FANCM: variants seen among roughly 807,000 people sequenced by gnomAD.
The protein encoded by FANCM is Fanconi anemia group M protein.
A neutral mutation model predicts 199.5 loss-of-function variants in FANCM; 140 were observed. The ratio of observed to expected loss-of-function variants is 0.70; its 90% CI spans 0.61 to 0.81. The LOEUF is 0.81. FANCM is among the 30% of genes least tolerant of loss of function. The probability of loss-of-function intolerance (pLI) is 0.00; values close to 1 mark genes in which losing one functional copy is unlikely to be tolerated. For synonymous variants in FANCM, 840 were observed against 836.8 expected (o/e 1.00, Z -0.07); for missense variants, 2,410 against 2,421.4 (o/e 1.00, Z 0.10).
intron 18 of FANCM, among the ~76,000 whole-genome samples, chr14:45,186,384 C>A (rs1269099657): frequency 6.6e-6 from 1 of 152,192 alleles, no homozygotes; most frequent in Admixed American, 6.5e-5. Context: ...AATGCTTGAA[C>A]GGATCTTACA....
In FANCM at chr14:45,137,052, G is replaced by A. The variant is rs756896619; in HGVS notation, c.509-17G>A. 4 of 1,592,920 alleles carry A rather than the reference G, an allele frequency of 2.5e-6. No individual in the cohort carries two copies. The highest frequency in any genetic ancestry group is 1.3e-5 in the African/African-American group (1 of 74,242). On this transcript the variant is annotated splice_polypyrimidine_tract_variant and intron_variant, in intron 1 of 22. Coordinates refer to ENST00000267430, the MANE Select transcript of FANCM (RefSeq NM_020937.4). ...CAGTCTGAAGTTTAGAATGTAGAATGTCACTTTTATTTTCAGGGTCTACAC... is the reference window on the plus strand; with the variant it reads ...CAGTCTGAAGTTTAGAATGTAGAATATCACTTTTATTTTCAGGGTCTACAC...
chr14:45,170,981 C>T (rs575985456), intron 12 of FANCM, among the ~76,000 whole-genome samples: 1 of 152,172 alleles, frequency 6.6e-6, no homozygotes, highest in South Asian at 2.1e-4. Context: ...ATGTATTTAA[C>T]CAACTGTGAT....
intron 21 of FANCM, among the ~76,000 whole-genome samples, chr14:45,197,449 T>C (rs1332290078): frequency 6.6e-6 from 1 of 151,260 alleles, no homozygotes; most frequent in Non-Finnish European, 1.5e-5. Context: ...TTTTATCTTT[T>C]GGTTACCCAA....
chr14:45,138,740 G>A (rs1309082324), intron 2 of FANCM, among the ~76,000 whole-genome samples: 3 of 151,860 alleles, frequency 2.0e-5, no homozygotes, highest in African/African-American at 7.3e-5. Flanking sequence ...TTAACAGCAA[G>A]GCTTTATGAA....
chr14:45,193,174 A>G (rs779517330), intron 20 of FANCM, among the ~76,000 whole-genome samples: 4 of 152,214 alleles, frequency 2.6e-5, no homozygotes, highest in Admixed American at 6.5e-5. Flanking sequence ...GGTGAAGACC[A>G]CAGATCAGGA....
At chr14:45,181,597 T>C in intron 15 of FANCM, 40 bp from the exon 16 acceptor site, 3 of 1,560,250 alleles carry the variant, frequency 1.9e-6, no homozygotes, top group Non-Finnish European at 2.7e-6. Flanking sequence ...GGGCTTCTGC[T>C]GAGACTTTTG....
intron 5 of FANCM, among the ~76,000 whole-genome samples, chr14:45,152,660 T>C (rs1234160945): frequency 6.6e-6 from 1 of 152,172 alleles, no homozygotes; most frequent in African/African-American, 2.4e-5. Flanking sequence ...TTAAAGCATG[T>C]GGGAGACAGT....
Position 45,189,113 on chromosome 14 carries a change from GAACAA to G in FANCM, c.5093_5097del (p.Asn1698ThrfsTer26). 6.2e-7 allele frequency: 1 copy of G among 1,614,166 alleles called. No homozygotes were observed. Among genetic ancestry groups the G allele is most frequent in the South Asian group, 1.1e-5 (1 of 91,086 alleles). ...CGGTTAACCCAAGCACTGTTAAGAA[GAACAA>G]ACAACAGGACCATTGTTTAAATTCA... On this transcript the variant is annotated frameshift_variant, in exon 20 of 23. Transcript: ENST00000267430. LOFTEE classifies it high-confidence loss of function.
At position 45,183,911 on chromosome 14, in the gene FANCM, T is replaced by C. The variant is rs780003763; in HGVS notation, c.4515+9T>C. On this transcript the variant is annotated intron_variant, in intron 17 of 22. Transcript: ENST00000267430. Reference sequence around the variant, plus strand: ...GACAGAGTCACTTAAAGGTAATCTTTTTTTTAGTTTCTTTAAATATGTATG... The same window carrying C: ...GACAGAGTCACTTAAAGGTAATCTTCTTTTTAGTTTCTTTAAATATGTATG... 3 of 1,601,326 alleles carry C rather than the reference T, an allele frequency of 1.9e-6. 1 individual carries two copies. The South Asian group carries it at 3.3e-5, about 18-fold the overall frequency.
intron 4 of FANCM, among the ~76,000 whole-genome samples, chr14:45,149,913 A>G (rs913319766): frequency 1.2e-4 from 18 of 152,262 alleles, no homozygotes; most frequent in African/African-American, 4.1e-4. Flanking sequence ...TCAGCTAAAC[A>G]TCCTACAATG....
At chr14:45,141,975 T>C (rs915371255) in intron 3 of FANCM, among the ~76,000 whole-genome samples, 1 of 152,082 alleles carries the variant, frequency 6.6e-6, no homozygotes, top group Non-Finnish European at 1.5e-5. Context: ...TATTTTTAAA[T>C]AGTAAAATGA....
At chr14:45,174,390 A>T (rs1888530642) in intron 13 of FANCM, among the ~76,000 whole-genome samples, 2 of 152,054 alleles carry the variant, frequency 1.3e-5, no homozygotes, top group East Asian at 3.9e-4. Flanking sequence ...TTGTCTAAAA[A>T]AAAAAAAAAC....
intron 4 of FANCM, among the ~76,000 whole-genome samples, chr14:45,149,475 G>A (rs1289355398): frequency 2.6e-5 from 4 of 152,084 alleles, no homozygotes; most frequent in African/African-American, 9.7e-5. Flanking sequence ...GGTTCAAGCA[G>A]TTCTCCTTAG....
Position 45,176,940 on chromosome 14 carries a change from C to G in FANCM, c.4186C>G (p.Pro1396Ala). 6.2e-7 allele frequency: 1 copy of G among 1,606,484 alleles called. No individual in the cohort carries two copies. The highest frequency in any genetic ancestry group is 1.1e-5 in the South Asian group (1 of 90,916). ...TCTAGAAAAGTCTAAAAGCAGTGGTCCAATGTATCTGCATAAATCCTGTCA... is the reference window on the plus strand; with the variant it reads ...TCTAGAAAAGTCTAAAAGCAGTGGTGCAATGTATCTGCATAAATCCTGTCA... ...FSLEKSKSSG[P>A]MYLHKSCHSV... is the part of the protein sequence containing the mutation. Residue 1396 changes from proline (P) to alanine (A), a missense_variant, in exon 14 of 23, where the codon CCA becomes GCA. Coordinates refer to ENST00000267430, the MANE Select transcript of FANCM (RefSeq NM_020937.4).
At chr14:45,143,310 G>A (rs1028305218) in intron 3 of FANCM, among the ~76,000 whole-genome samples, 1 of 151,846 alleles carries the variant, frequency 6.6e-6, no homozygotes, top group African/African-American at 2.4e-5. Flanking sequence ...GGGACTACAG[G>A]TGCCTGCCAC....
chr14:45,175,727 G>C lies in FANCM; in HGVS notation c.2973G>C (p.Glu991Asp). Residue 991 changes from glutamate to aspartate, a missense_variant, in exon 14 of 23, where the codon GAG becomes GAC. Glu to Asp is a conservative substitution (Grantham distance 45). Transcript: ENST00000267430. ...CAAAAGAGGTACTAGCTAATGTAGA[G>C]AGATTTTTATCTTATTCTCCTCCGC... The part of the protein sequence containing the change: ...SLTKEVLANV[E>D]RFLSYSPPPL... The C allele has an allele frequency of 3.1e-6, 5 of 1,613,892 alleles. No individual in the cohort carries two copies. The highest frequency in any genetic ancestry group is 4.2e-6 in the Non-Finnish European group (5 of 1,179,940).
intron 4 of FANCM, 40 bp from the exon 5 acceptor site, chr14:45,151,357 T>C (rs753507419): frequency 1.3e-6 from 2 of 1,597,738 alleles, no homozygotes; most frequent in Non-Finnish European, 1.7e-6. Context: ...GAAAAAGGAC[T>C]TTAGAGCAAG....
At chr14:45,184,550 T>A (rs912369684) in intron 17 of FANCM, among the ~76,000 whole-genome samples, 5 of 150,854 alleles carry the variant, frequency 3.3e-5, no homozygotes, top group African/African-American at 1.2e-4. Context: ...TAATCCCAGC[T>A]ACTCGGGAGG....
intron 10 of FANCM, 69 bp from the exon 11 acceptor site, chr14:45,166,881 T>A (rs1436127240): frequency 2.2e-6 from 2 of 903,536 alleles, no homozygotes; most frequent in Non-Finnish European, 1.8e-6. Context: ...AAACTAATAA[T>A]TGCTTGTTAT....
Sources: gnomAD v4.1 joint callset for allele counts (sites outside exome capture counted in the v4.1 genomes callset) on GRCh38, gnomAD v4.1.1 for gene constraint, MANE v1.5 for transcripts, NCBI Gene and HGNC (gene_info 2026-07-23, HGNC 2026-07-21) for gene names.